AGBL4: variants seen among roughly 807,000 people sequenced by gnomAD.
AGBL4 encodes cytosolic carboxypeptidase 6.
A neutral mutation model predicts 66.4 loss-of-function variants in AGBL4; 58 were observed. The observed-to-expected ratio is 0.87, with a 90% CI of 0.71 to 1.09. AGBL4 has a LOEUF of 1.09. AGBL4 is among the 50% of genes least tolerant of loss of function. The pLI, the probability that AGBL4 is intolerant of heterozygous loss-of-function variation, is 0.00. For synonymous variants in AGBL4, 234 were observed against 222.9 expected, an observed-to-expected ratio of 1.05 and a Z score of -0.44; for missense variants, 579 against 631.0, an observed-to-expected ratio of 0.92 and a Z score of 0.88.
chr1:49,799,038 AAAT>A (rs1644796902), intron 2 of AGBL4, among the ~76,000 whole-genome samples: 1 of 152,176 alleles, frequency 6.6e-6, no homozygotes, highest in African/African-American at 2.4e-5. Flanking sequence ...AAGTAAAATA[AAAT>A]AATAATAATG....
chr1:49,008,659 G>T (rs1013585631), intron 5 of AGBL4, among the ~76,000 whole-genome samples: 1 of 132,716 alleles, frequency 7.5e-6, no homozygotes, highest in Non-Finnish European at 1.6e-5. Context: ...TAAAAGAACA[G>T]AGATTATAAC....
intron 8 of AGBL4, among the ~76,000 whole-genome samples, chr1:48,640,992 G>A (rs192439821): frequency 7.8e-4 from 118 of 152,052 alleles, no homozygotes; most frequent in African/African-American, 2.7e-3. Context: ...GCAGCTTGGC[G>A]GCTCCAGATC....
chr1:49,343,959 T>G (rs1005557940), intron 3 of AGBL4, among the ~76,000 whole-genome samples: 1 of 152,218 alleles, frequency 6.6e-6, no homozygotes, highest in South Asian at 2.1e-4. Flanking sequence ...TGTTCTAAAT[T>G]AGGCAGGTCA....
At chr1:49,969,294 T>C (rs1357945730) in intron 1 of AGBL4, among the ~76,000 whole-genome samples, 1 of 152,158 alleles carries the variant, frequency 6.6e-6, no homozygotes, top group Non-Finnish European at 1.5e-5. Flanking sequence ...ATCAAATCTA[T>C]GCCATAAACA....
chr1:49,730,034 G>A (rs930979168), intron 2 of AGBL4, among the ~76,000 whole-genome samples: 8 of 151,938 alleles, frequency 5.3e-5, no homozygotes, highest in Non-Finnish European at 8.8e-5. Context: ...CCAATCAAAC[G>A]CTGCCTCTTT....
At chr1:49,552,273 G>A (rs1358955596) in intron 3 of AGBL4, among the ~76,000 whole-genome samples, 4 of 152,286 alleles carry the variant, frequency 2.6e-5, no homozygotes, top group Admixed American at 1.3e-4. Flanking sequence ...CCCGCCTGTG[G>A]AGTCTGCACA....
intron 4 of AGBL4, among the ~76,000 whole-genome samples, chr1:49,233,836 T>C (rs2148302430): frequency 6.6e-6 from 1 of 152,332 alleles, no homozygotes; most frequent in South Asian, 2.1e-4. Context: ...GTTCTCCACT[T>C]CTTCCTGCAC....
intron 6 of AGBL4, among the ~76,000 whole-genome samples, chr1:48,772,659 CT>C (rs1644895346): frequency 6.6e-6 from 1 of 152,050 alleles, no homozygotes; most frequent in South Asian, 2.1e-4. Flanking sequence ...ACAGAAGGTT[CT>C]AATGAGAGCA....
At chr1:48,851,914 T>C (rs200985143) in intron 6 of AGBL4, among the ~76,000 whole-genome samples, 2 of 94,114 alleles carry the variant, frequency 2.1e-5, no homozygotes, top group African/African-American at 7.1e-5. Flanking sequence ...TTGAGAAAAA[T>C]AAAAAACAAA....
chr1:49,429,809 A>G (rs1318837009), intron 3 of AGBL4, among the ~76,000 whole-genome samples: 1 of 151,758 alleles, frequency 6.6e-6, no homozygotes, highest in East Asian at 1.9e-4. Context: ...TTCACAGGCT[A>G]TACTCCTGAC....
At chr1:49,406,811 A>G (rs1351661625) in intron 3 of AGBL4, among the ~76,000 whole-genome samples, 18 of 152,070 alleles carry the variant, frequency 1.2e-4, no homozygotes, top group Non-Finnish European at 4.4e-5. Flanking sequence ...CATGCCTGTA[A>G]TCCCAGCACT....
At chr1:49,905,629 G>A (rs1328044118) in intron 1 of AGBL4, among the ~76,000 whole-genome samples, 1 of 152,082 alleles carries the variant, frequency 6.6e-6, no homozygotes, top group African/African-American at 2.4e-5. Flanking sequence ...TGTATCACTT[G>A]GCTATTCGCT....
At chr1:49,104,372 C>T (rs907565515) in intron 4 of AGBL4, among the ~76,000 whole-genome samples, 5 of 152,084 alleles carry the variant, frequency 3.3e-5, no homozygotes, top group Non-Finnish European at 5.9e-5. Flanking sequence ...AAGGAATGAA[C>T]ATTATCATAC....
chr1:49,951,073 T>TG (rs1377120987), intron 1 of AGBL4, among the ~76,000 whole-genome samples: 2 of 151,032 alleles, frequency 1.3e-5, no homozygotes, highest in Non-Finnish European at 1.5e-5. Context: ...TGCCAGGGGA[T>TG]GGGGGGGATA....
intron 6 of AGBL4, among the ~76,000 whole-genome samples, chr1:48,784,331 C>T (rs1334357056): frequency 6.6e-6 from 1 of 152,128 alleles, no homozygotes; most frequent in Non-Finnish European, 1.5e-5. Flanking sequence ...TATATTTTTA[C>T]TGAATCAAAT....
chr1:49,737,329 A>G (rs1435441781), intron 2 of AGBL4, among the ~76,000 whole-genome samples: 2 of 152,230 alleles, frequency 1.3e-5, no homozygotes, highest in East Asian at 1.9e-4. Flanking sequence ...CGGTACATAT[A>G]TACCATGAAA....
chr1:49,409,150 C>T (rs562195591), intron 3 of AGBL4, among the ~76,000 whole-genome samples: 162 of 24,996 alleles, frequency 6.5e-3, no homozygotes, highest in African/African-American at 0.016. Flanking sequence ...CTCTCTCTGG[C>T]TCTCTCTCTC....
At chr1:49,564,960 C>G (rs1165071846) in intron 3 of AGBL4, among the ~76,000 whole-genome samples, 1 of 152,180 alleles carries the variant, frequency 6.6e-6, no homozygotes, top group African/African-American at 2.4e-5. Flanking sequence ...TTGTAGGTCT[C>G]TAAGGACTTG....
chr1:49,896,594 AACAGACCCATGAAAACACACACAC>A (rs1169793251), intron 1 of AGBL4, among the ~76,000 whole-genome samples: 1 of 142,316 alleles, frequency 7.0e-6, no homozygotes, highest in Non-Finnish European at 1.5e-5. Context: ...CAAAACCAGA[AACAGACCCATGAAAACACACACAC>A]ACACACACAC....
Sources: allele counts gnomAD v4.1 joint callset (sites outside exome capture counted in the v4.1 genomes callset), GRCh38; gene constraint gnomAD v4.1.1; transcripts MANE v1.5; gene names NCBI Gene and HGNC (gene_info 2026-07-23, HGNC 2026-07-21).